The following AHCYL2 variants were observed in gnomAD, a reference collection of about 807,000 sequenced individuals.
AHCYL2 encodes adenosylhomocysteinase like 2.
Under a neutral mutation model 81.4 loss-of-function variants are expected in AHCYL2, and 28 were observed. The ratio of observed to expected loss-of-function variants is 0.34; its 90% CI spans 0.25 to 0.47. The LOEUF is 0.47. Among genes scored for constraint, AHCYL2 ranks in the 20% least tolerant of loss-of-function variants. The probability of loss-of-function intolerance (pLI) is 1.00; values close to 1 mark genes in which losing one functional copy is unlikely to be tolerated. For synonymous variants in AHCYL2, 272 were observed against 290.2 expected (o/e 0.94, Z 0.64); for missense variants, 551 against 785.1 (o/e 0.70, Z 3.56).
chr7:129,412,297 C>CTT (rs371565692), intron 11 of AHCYL2, among the ~76,000 whole-genome samples: 3 of 140,908 alleles, frequency 2.1e-5, no homozygotes. Context: ...AATTGCCAAA[C>CTT]TTTTTTTTTT....
At chr7:129,367,866 T>G (rs1794183840) in intron 1 of AHCYL2, among the ~76,000 whole-genome samples, 1 of 152,162 alleles carries the variant, frequency 6.6e-6, no homozygotes, top group Non-Finnish European at 1.5e-5. Flanking sequence ...GCAATAAGAC[T>G]CTAACTTGAG....
chr7:129,316,730 AGT>A (rs1484012200), intron 1 of AHCYL2, among the ~76,000 whole-genome samples: 1 of 152,210 alleles, frequency 6.6e-6, no homozygotes, highest in African/African-American at 2.4e-5. Flanking sequence ...ATGCATTCTC[AGT>A]GTGTTTCAGT....
chr7:129,301,887 A>G (rs1206248085), intron 1 of AHCYL2, among the ~76,000 whole-genome samples: 1 of 148,236 alleles, frequency 6.7e-6, no homozygotes, highest in Non-Finnish European at 1.5e-5. Flanking sequence ...TTTTTTTTCT[A>G]TTTCTGTGAA....
Position 129,389,711 on chromosome 7 carries a change from A to G in AHCYL2, c.697A>G (p.Thr233Ala). ...GGCTGGAGCCAAAATCGTGGGTTGC[A>G]CACACATCACTGCTCAGACTGCTGT... ...PLAGAKIVGC[T>A]HITAQTAVLM... The change falls in exon 4 of 17, where the codon ACA (threonine) becomes GCA (alanine). Residue 233 changes from threonine to alanine, a missense_variant. Around this residue, in one of 2 missense-constraint regions of AHCYL2, gnomAD observed 316 missense variants for 543.1 expected, o/e 0.58. Coordinates refer to ENST00000325006, the MANE Select transcript of AHCYL2 (RefSeq NM_015328.4). 13 of 1,613,690 alleles carry G rather than the reference A, an allele frequency of 8.1e-6. No homozygotes were observed. Among genetic ancestry groups the G allele is most frequent in the Non-Finnish European group, 1.1e-5 (13 of 1,179,776 alleles).
chr7:129,315,539 A>G (rs537765479), intron 1 of AHCYL2, among the ~76,000 whole-genome samples: 12 of 152,114 alleles, frequency 7.9e-5, no homozygotes, highest in Admixed American at 1.3e-4. Flanking sequence ...ACCTTTCCCA[A>G]CCTTTATATA....
chr7:129,340,022 C>A (rs1215674805), intron 1 of AHCYL2, among the ~76,000 whole-genome samples: 1 of 150,180 alleles, frequency 6.7e-6, no homozygotes, highest in African/African-American at 2.4e-5. Context: ...GGGTTCACGC[C>A]ATTCTTCTGC....
chr7:129,312,965 C>G (rs957662672), intron 1 of AHCYL2, among the ~76,000 whole-genome samples: 2 of 152,196 alleles, frequency 1.3e-5, no homozygotes, highest in Admixed American at 6.5e-5. Context: ...TGCTTCTGCA[C>G]TTGCTACTTT....
Position 129,424,927 on chromosome 7 carries a change from C to T in AHCYL2, c.1614C>T (p.Ile538=). The change falls in exon 14 of 17, where the codon ATC becomes ATT. Residue 538 remains isoleucine (I), a synonymous_variant. Transcript: ENST00000325006. Reference sequence around the variant, plus strand: ...CAGTGCCTACATTTGTGCTCTCAATCACTGCTACTACTCAGGTAAGGCTTC... The same window carrying T: ...CAGTGCCTACATTTGTGCTCTCAATTACTGCTACTACTCAGGTAAGGCTTC... ...CSTVPTFVLS[I]TATTQALALI... is the part of the protein sequence containing the mutation. 1.2e-6 allele frequency: 2 copies of T among 1,613,882 alleles called. No homozygotes were observed. The highest frequency in any genetic ancestry group is 1.7e-6 in the Non-Finnish European group (2 of 1,180,014).
chr7:129,322,491 C>T (rs905597870), intron 1 of AHCYL2, among the ~76,000 whole-genome samples: 4 of 152,240 alleles, frequency 2.6e-5, no homozygotes, highest in African/African-American at 9.6e-5. Flanking sequence ...TCTATATATT[C>T]TATATTTATA....
In AHCYL2 at chr7:129,406,034, G is replaced by C. The variant is rs567652140; in HGVS notation, c.1206+135G>C. ...AGAAAAAGAATTTCAGAGGCCTTCTGGTTGAAGTAGACTTTCTTTTTCCCT... is the reference window on the plus strand; with the variant it reads ...AGAAAAAGAATTTCAGAGGCCTTCTCGTTGAAGTAGACTTTCTTTTTCCCT... On this transcript the variant is annotated intron_variant, in intron 9 of 16. Coordinates refer to ENST00000325006, the MANE Select transcript of AHCYL2 (RefSeq NM_015328.4). The surrounding 1 kb of genome is among the most constrained non-coding windows in gnomAD (Gnocchi z 4.3). 901 of 814,384 alleles carry C rather than the reference G, an allele frequency of 1.1e-3. 1 individual carries two copies. The highest frequency in any genetic ancestry group is 3.2e-3 in the Middle Eastern group (9 of 2,836). The allele number at this position is 814,384 out of a possible 1,614,324, so 50.4% of individuals were successfully genotyped here. A position where few individuals can be genotyped will look rare whatever the true frequency, so the allele number is the denominator to read the frequency against.
chr7:129,313,179 C>T (rs1314036965), intron 1 of AHCYL2, among the ~76,000 whole-genome samples: 1 of 152,134 alleles, frequency 6.6e-6, no homozygotes, highest in Non-Finnish European at 1.5e-5. Context: ...AATGAGAGGT[C>T]TGGTGAATGG....
intron 12 of AHCYL2, among the ~76,000 whole-genome samples, chr7:129,420,273 T>C (rs750111278): frequency 6.6e-6 from 1 of 152,166 alleles, no homozygotes; most frequent in Non-Finnish European, 1.5e-5. Context: ...CCAAGATTGC[T>C]TGGCCTCTGG....
chr7:129,321,490 C>T (rs147868229), intron 1 of AHCYL2, among the ~76,000 whole-genome samples: 2,047 of 152,220 alleles, frequency 0.013, 21 homozygotes, highest in Non-Finnish European at 0.022. Context: ...CCAGACCAAT[C>T]TTGCATTATG....
rs71162592 is a variant in AHCYL2 at position 129,299,369 on chromosome 7, GTTTTTTTTTTTTTTTTTTTTTTTTTTTT to G, written c.363+73945_363+73972del. 1.7e-3 allele frequency among the ~76,000 whole-genome samples: 77 copies of G among 46,308 alleles called. 4 individuals are homozygous for G. Among genetic ancestry groups the G allele is most frequent in the African/African-American group, 5.4e-3 (66 of 12,218 alleles). 30.4% of individuals were successfully genotyped at this position (46,308 alleles called of 152,430 possible). Reference sequence around the variant, plus strand: ...AGGCTGAGGTGGGAGAGTCCAACTTGTTTTTTTTTTTTTTTTTTTTTTTTTTTTTTTTTTTTTTTTTTGAGATGGAGTC... The same window carrying G: ...AGGCTGAGGTGGGAGAGTCCAACTTGTTTTTTTTTTTTTTGAGATGGAGTC... On this transcript the variant is annotated intron_variant, in intron 1 of 16. Coordinates refer to ENST00000325006, the MANE Select transcript of AHCYL2 (RefSeq NM_015328.4).
chr7:129,344,886 G>A (rs1445795160), intron 1 of AHCYL2, among the ~76,000 whole-genome samples: 2 of 152,290 alleles, frequency 1.3e-5, no homozygotes, highest in East Asian at 3.9e-4. Context: ...TGGGCATGGT[G>A]GCTCACACCT....
chr7:129,259,801 G>T (rs1795554056), intron 1 of AHCYL2, among the ~76,000 whole-genome samples: 1 of 152,224 alleles, frequency 6.6e-6, no homozygotes, highest in South Asian at 2.1e-4. Context: ...GGTTGGCCAG[G>T]CGAGGTAGCT....
chr7:129,257,174 A>G (rs1795459449), intron 1 of AHCYL2, among the ~76,000 whole-genome samples: 1 of 152,232 alleles, frequency 6.6e-6, no homozygotes, highest in Admixed American at 6.5e-5. Flanking sequence ...ACCCTCAGAT[A>G]GGAATAGGAA....
At chr7:129,264,109 C>T (rs918918427) in intron 1 of AHCYL2, among the ~76,000 whole-genome samples, 3 of 152,206 alleles carry the variant, frequency 2.0e-5, no homozygotes, top group African/African-American at 7.2e-5. Flanking sequence ...GCAAGCTCCA[C>T]CTCCTGGCTT....
At chr7:129,312,822 A>G (rs191330501) in intron 1 of AHCYL2, among the ~76,000 whole-genome samples, 2 of 152,058 alleles carry the variant, frequency 1.3e-5, no homozygotes, top group Admixed American at 1.3e-4. Flanking sequence ...CCTGCCTCTC[A>G]CCCCCACCCG....
Sources: gnomAD v4.1 joint callset for allele counts (sites outside exome capture counted in the v4.1 genomes callset) on GRCh38, gnomAD v4.1.1 for gene constraint, gnomAD v4.1.1 regional missense constraint, Gnocchi (gnomAD v3.1) non-coding constraint, MANE v1.5 for transcripts, NCBI Gene and HGNC (gene_info 2026-07-23, HGNC 2026-07-21) for gene names.